The following SLC7A2 variants were observed in gnomAD, a reference collection of about 807,000 sequenced individuals.
SLC7A2 encodes the protein cationic amino acid transporter 2.
In SLC7A2, 48 loss-of-function variants were observed where a neutral mutation model predicts 58.9. The observed-to-expected ratio is 0.82, with a 90% CI of 0.65 to 1.04. The LOEUF is 1.04. SLC7A2 is among the 50% of genes least tolerant of loss of function. The probability of loss-of-function intolerance (pLI) is 0.00; values close to 1 mark genes in which losing one functional copy is unlikely to be tolerated. For missense variants in SLC7A2, 1,029 were observed against 818.8 expected, an observed-to-expected ratio of 1.26 and a Z score of -3.13; for synonymous variants, 363 against 314.5, an observed-to-expected ratio of 1.15 and a Z score of -1.63.
intron 8 of SLC7A2, chr8:17,554,946 T>G (rs373904220): frequency 6.2e-7 from 1 of 1,613,720 alleles, no homozygotes; most frequent in Non-Finnish European, 8.5e-7. Flanking sequence ...TCTGTTCTAG[T>G]CTTCTGGGCT....
At chr8:17,501,726 T>C (rs190821828) in intron 1 of SLC7A2, among the ~76,000 whole-genome samples, 58 of 152,160 alleles carry the variant, frequency 3.8e-4, no homozygotes, top group Non-Finnish European at 7.2e-4. Flanking sequence ...ATATAAAATA[T>C]GTAAAATGAG....
At chr8:17,544,196 C>T (rs578146310) in intron 3 of SLC7A2, among the ~76,000 whole-genome samples, 1 of 152,322 alleles carries the variant, frequency 6.6e-6, no homozygotes, top group South Asian at 2.1e-4. Context: ...TTTGCTTCAT[C>T]TCTGACTATG....
intron 2 of SLC7A2, among the ~76,000 whole-genome samples, chr8:17,523,183 A>T (rs1488216589): frequency 6.6e-6 from 1 of 152,148 alleles, no homozygotes; most frequent in Non-Finnish European, 1.5e-5. Flanking sequence ...AAGGAAAGAA[A>T]ATGACCATAC....
intron 2 of SLC7A2, among the ~76,000 whole-genome samples, chr8:17,513,894 G>A (rs6997118): frequency 0.51 from 77,824 of 152,034 alleles, 21,849 homozygotes; most frequent in Non-Finnish European, 0.63. Context: ...CTGTCATCCT[G>A]CTCAACATTT....
intron 2 of SLC7A2, among the ~76,000 whole-genome samples, chr8:17,507,649 C>G (rs550932917): frequency 6.6e-6 from 1 of 151,786 alleles, no homozygotes; most frequent in Non-Finnish European, 1.5e-5. Flanking sequence ...ATTCTGTGTC[C>G]TATAAATATG....
chr8:17,561,836 A>G, intron 10 of SLC7A2, 108 bp from the exon 11 acceptor site: 1 of 1,003,224 alleles, frequency 1.0e-6, no homozygotes, highest in Non-Finnish European at 1.5e-6. Context: ...TATTTAGCCA[A>G]GTAGATGTGT....
Position 17,551,875 on chromosome 8 carries a change from C to A in SLC7A2, c.944C>A (p.Pro315Gln). The A allele has an allele frequency of 6.2e-7, 1 of 1,613,736 alleles. No individual in the cohort carries two copies. Among genetic ancestry groups the A allele is most frequent in the South Asian group, 1.1e-5 (1 of 91,080 alleles). ...TCTGCAGCTTTAACACTTATGATGC[C>A]GTACTACCTCCTCGATGAAAAAAGC... ...GVSAALTLMM[P>Q]YYLLDEKSPL... Residue 315 changes from proline (P) to glutamine (Q), a missense_variant, in exon 7 of 13, where the codon CCG becomes CAG. Transcript: ENST00000494857.
chr8:17,560,281 C>G, intron 9 of SLC7A2, 47 bp from the exon 10 acceptor site: 1 of 1,482,798 alleles, frequency 6.7e-7, no homozygotes, highest in Non-Finnish European at 9.4e-7. Context: ...TCACTTGGGC[C>G]AAATGTCTAT....
chr8:17,544,757 A>C, intron 4 of SLC7A2, 151 bp downstream of exon 4: 3 of 675,058 alleles, frequency 4.4e-6, no homozygotes, highest in Non-Finnish European at 7.2e-6. Flanking sequence ...GGGGTTTATC[A>C]CTGGCTGGAA....
chr8:17,542,534 C>T (rs1358757207), intron 2 of SLC7A2, among the ~76,000 whole-genome samples: 1 of 152,022 alleles, frequency 6.6e-6, no homozygotes, highest in Non-Finnish European at 1.5e-5. Flanking sequence ...GCCTGTGGTC[C>T]CAGCTACTCA....
chr8:17,565,135 A>G lies in SLC7A2; in HGVS notation c.1966A>G (p.Ser656Gly). The G allele has an allele frequency of 6.2e-7, 1 of 1,612,644 alleles. No homozygotes were observed. The highest frequency in any genetic ancestry group is 8.5e-7 in the Non-Finnish European group (1 of 1,179,152). Residue 656 changes from serine to glycine, a missense_variant, in exon 13 of 13, where the codon AGT becomes GGT. By Grantham distance (56) the Ser-to-Gly change is moderately conservative. Coordinates refer to ENST00000494857, the MANE Select transcript of SLC7A2 (RefSeq NM_001370338.1). The stretch of plus-strand genomic sequence containing the variant: ...ACCTTTCATATTCCATGAAAAGACA[A>G]GTGAATTCTAACACTTGCAGGAGCA... ...SSPFIFHEKTSEF is the reference protein window; with the variant it reads ...SSPFIFHEKTGEF
intron 2 of SLC7A2, among the ~76,000 whole-genome samples, chr8:17,515,555 A>G (rs1800773532): frequency 6.6e-6 from 1 of 152,056 alleles, no homozygotes; most frequent in Admixed American, 6.6e-5. Context: ...GACCTCCCAT[A>G]CTGCTGGGAT....
chr8:17,552,002 T>G lies in SLC7A2; in HGVS notation c.1055+16T>G. On this transcript the variant is annotated intron_variant, in intron 7 of 12. Transcript: ENST00000494857. ...TGTCAACAAGGTACATTGCATCGCC[T>G]TTGGGGCACGGGCTGTTTGGGACTC... 6.2e-7 allele frequency: 1 copy of G among 1,610,032 alleles called. No individual in the cohort carries two copies. The highest frequency in any genetic ancestry group is 8.5e-7 in the Non-Finnish European group (1 of 1,176,350).
At chr8:17,535,979 C>G (rs904650659) in intron 2 of SLC7A2, among the ~76,000 whole-genome samples, 2 of 152,102 alleles carry the variant, frequency 1.3e-5, no homozygotes, top group African/African-American at 2.4e-5. Context: ...GTAGAGACTT[C>G]TCTGATTCAG....
In SLC7A2 at chr8:17,564,974, G is replaced by A; in HGVS notation, c.1805G>A (p.Gly602Asp). 6.2e-7 allele frequency: 1 copy of A among 1,606,526 alleles called. No homozygotes were observed. The highest frequency in any genetic ancestry group is 2.2e-5 in the East Asian group (1 of 44,664). Residue 602 changes from glycine to aspartate, a missense_variant, in exon 13 of 13, where the codon GGC (glycine) becomes GAC (aspartate). Transcript: ENST00000494857. Reference sequence around the variant, plus strand: ...GGCTTCCTGATTTACTTTTCTTATGGCATTAGACACAGCCTGGAGGGTCAT... The same window carrying A: ...GGCTTCCTGATTTACTTTTCTTATGACATTAGACACAGCCTGGAGGGTCAT... ...AIGFLIYFSY[G>D]IRHSLEGHLR...
At chr8:17,545,145 C>T (rs1043581678) in intron 4 of SLC7A2, among the ~76,000 whole-genome samples, 2 of 152,120 alleles carry the variant, frequency 1.3e-5, no homozygotes, top group Non-Finnish European at 2.9e-5. Context: ...AGTATTGTAG[C>T]ATAGTGGTTT....
chr8:17,495,258 T>A (rs527537714), upstream of SLC7A2, among the ~76,000 whole-genome samples: 10 of 152,242 alleles, frequency 6.6e-5, no homozygotes, highest in South Asian at 8.3e-4. Flanking sequence ...CTATTTTTTT[T>A]AAACCAGGTG....
intron 2 of SLC7A2, among the ~76,000 whole-genome samples, chr8:17,540,008 T>G (rs1801841268): frequency 6.6e-6 from 1 of 152,184 alleles, no homozygotes; most frequent in South Asian, 2.1e-4. Flanking sequence ...TCACTAATAT[T>G]AGACACAAAT....
At chr8:17,536,156 C>T (rs1801656111) in intron 2 of SLC7A2, among the ~76,000 whole-genome samples, 1 of 151,898 alleles carries the variant, frequency 6.6e-6, no homozygotes, top group Non-Finnish European at 1.5e-5. Flanking sequence ...TACTGTAGAG[C>T]CCTTGGTATT....
Sources: gnomAD v4.1 joint callset for allele counts (sites outside exome capture counted in the v4.1 genomes callset) on GRCh38, gnomAD v4.1.1 for gene constraint, MANE v1.5 for transcripts, NCBI Gene and HGNC (gene_info 2026-07-23, HGNC 2026-07-21) for gene names.